Variants in DYNC1I1 observed in about 807,000 individuals in gnomAD.
DYNC1I1 encodes the protein cytoplasmic dynein 1 intermediate chain 1.
Under a neutral mutation model 86.6 loss-of-function variants are expected in DYNC1I1, and 43 were observed. The observed-to-expected ratio is 0.50, with a 90% CI of 0.39 to 0.64. The LOEUF is 0.64. Ranked by LOEUF, DYNC1I1 falls within the 30% of genes least tolerant of loss-of-function variation. The pLI, the probability that DYNC1I1 is intolerant of heterozygous loss-of-function variation, is 0.00. For synonymous variants in DYNC1I1, 262 were observed against 283.7 expected (o/e 0.92, Z 0.77); for missense variants, 604 against 788.8 (o/e 0.77, Z 2.81).
chr7:95,967,394 T>C (rs1457495972), intron 6 of DYNC1I1, among the ~76,000 whole-genome samples: 1 of 152,126 alleles, frequency 6.6e-6, no homozygotes, highest in East Asian at 1.9e-4. Flanking sequence ...TGGATTTACA[T>C]GTAGGGAAGA....
intron 6 of DYNC1I1, among the ~76,000 whole-genome samples, chr7:95,973,038 T>G (rs544537012): frequency 2.0e-5 from 3 of 152,206 alleles, no homozygotes; most frequent in Non-Finnish European, 2.9e-5. Flanking sequence ...TGTGTGGACC[T>G]GGATAAGGGA....
chr7:96,003,444 A>G (rs916641250), intron 10 of DYNC1I1, among the ~76,000 whole-genome samples: 7 of 152,214 alleles, frequency 4.6e-5, no homozygotes, highest in Non-Finnish European at 8.8e-5. Flanking sequence ...TTCATTTAAT[A>G]CCAGTTTAGC....
chr7:96,076,145 G>C lies in DYNC1I1; in HGVS notation c.1598G>C (p.Cys533Ser). 2 of 1,614,206 alleles carry C rather than the reference G, an allele frequency of 1.2e-6. No homozygotes were observed. The highest frequency in any genetic ancestry group is 1.7e-6 in the Non-Finnish European group (2 of 1,180,040). Residue 533 changes from cysteine (C) to serine (S), a missense_variant, in exon 15 of 17, where the codon TGC becomes TCC. Transcript: ENST00000447467. ...WSPVHPALFA[C>S]VDGMGRLDLW... ...CCCGTGCATCCTGCGCTTTTTGCCT[G>C]CGTGGACGGGATGGGGCGCTTGGAC...
chr7:96,090,945 G>A (rs1393355429), intron 16 of DYNC1I1, among the ~76,000 whole-genome samples: 1 of 152,164 alleles, frequency 6.6e-6, no homozygotes, highest in East Asian at 1.9e-4. Context: ...TCTCCCGGGA[G>A]TTAAATACAG....
chr7:96,035,913 G>A (rs1000142275), intron 13 of DYNC1I1, among the ~76,000 whole-genome samples, 161 bp downstream of exon 13: 2 of 152,120 alleles, frequency 1.3e-5, no homozygotes, highest in Non-Finnish European at 2.9e-5. Context: ...ATCTGCTCTG[G>A]TCATTAGCTG....
At chr7:96,003,061 T>C (rs578093289) in intron 10 of DYNC1I1, among the ~76,000 whole-genome samples, 1 of 152,170 alleles carries the variant, frequency 6.6e-6, no homozygotes, top group African/African-American at 2.4e-5. Context: ...GCCAGGCTGG[T>C]CTTGATCTCC....
intron 1 of DYNC1I1, among the ~76,000 whole-genome samples, chr7:95,781,007 A>AC (rs199753175): frequency 0.015 from 2,211 of 151,010 alleles, 45 homozygotes; most frequent in African/African-American, 0.044. Context: ...AACAACAACA[A>AC]AAAAAAAAAC....
At chr7:95,995,119 C>A (rs1246276364) in intron 9 of DYNC1I1, among the ~76,000 whole-genome samples, 1 of 151,942 alleles carries the variant, frequency 6.6e-6, no homozygotes, top group African/African-American at 2.4e-5. Flanking sequence ...TGGTGGCCGG[C>A]GCCTGTAGTC....
chr7:96,038,904 G>A (rs1439497188), intron 13 of DYNC1I1, among the ~76,000 whole-genome samples: 1 of 152,038 alleles, frequency 6.6e-6, no homozygotes, highest in Non-Finnish European at 1.5e-5. Flanking sequence ...GCTATCTCAA[G>A]AATAAAATAG....
At chr7:95,830,518 C>T (rs1252989515) in intron 5 of DYNC1I1, among the ~76,000 whole-genome samples, 1 of 152,112 alleles carries the variant, frequency 6.6e-6, no homozygotes, top group Non-Finnish European at 1.5e-5. Flanking sequence ...TTTTGAGATT[C>T]ATTCAGGTTA....
intron 6 of DYNC1I1, among the ~76,000 whole-genome samples, chr7:95,900,139 T>C (rs1369674061): frequency 6.6e-6 from 1 of 152,166 alleles, no homozygotes; most frequent in East Asian, 1.9e-4. Flanking sequence ...GCTCCATGGA[T>C]AGTGAGGTCC....
intron 14 of DYNC1I1, among the ~76,000 whole-genome samples, chr7:96,052,858 A>G (rs1040240496): frequency 2.6e-5 from 4 of 152,188 alleles, no homozygotes; most frequent in Non-Finnish European, 4.4e-5. Context: ...ATGTGAAAGT[A>G]GGGCCACATC....
intron 6 of DYNC1I1, among the ~76,000 whole-genome samples, chr7:95,933,109 C>G (rs1228231789): frequency 6.6e-6 from 1 of 152,070 alleles, no homozygotes; most frequent in Non-Finnish European, 1.5e-5. Flanking sequence ...TCTCAAAATC[C>G]TGTCCTCAAG....
intron 3 of DYNC1I1, among the ~76,000 whole-genome samples, chr7:95,811,805 T>A (rs1359372401): frequency 6.6e-6 from 1 of 152,148 alleles, no homozygotes; most frequent in African/African-American, 2.4e-5. Flanking sequence ...TTAGTTGACA[T>A]CTGATATGAG....
chr7:95,797,684 G>A (rs1452649154), intron 1 of DYNC1I1, among the ~76,000 whole-genome samples: 1 of 152,144 alleles, frequency 6.6e-6, no homozygotes, highest in Non-Finnish European at 1.5e-5. Flanking sequence ...TCACATTGCC[G>A]CTAACCTTTA....
intron 6 of DYNC1I1, among the ~76,000 whole-genome samples, chr7:95,909,466 G>T (rs1291204376): frequency 1.3e-5 from 2 of 152,024 alleles, no homozygotes; most frequent in Non-Finnish European, 2.9e-5. Context: ...TACAGCCGGG[G>T]TTTCAGGGGG....
chr7:95,830,573 A>G (rs934879071), intron 5 of DYNC1I1, among the ~76,000 whole-genome samples: 3 of 152,188 alleles, frequency 2.0e-5, no homozygotes, highest in Non-Finnish European at 4.4e-5. Flanking sequence ...TTGTATGGAT[A>G]TACCACAGTT....
chr7:95,900,112 TG>T (rs1489784315), intron 6 of DYNC1I1, among the ~76,000 whole-genome samples: 1 of 152,180 alleles, frequency 6.6e-6, no homozygotes, highest in Non-Finnish European at 1.5e-5. Flanking sequence ...GGAGCTTGTC[TG>T]TAGAGGGCGT....
intron 5 of DYNC1I1, among the ~76,000 whole-genome samples, chr7:95,846,171 A>G (rs1789420358): frequency 6.6e-6 from 1 of 152,164 alleles, no homozygotes; most frequent in Admixed American, 6.5e-5. Flanking sequence ...TCATTTATAT[A>G]TATTATTGGA....
Sources: gnomAD v4.1 joint callset for allele counts (sites outside exome capture counted in the v4.1 genomes callset) on GRCh38, gnomAD v4.1.1 for gene constraint, MANE v1.5 for transcripts, NCBI Gene and HGNC (gene_info 2026-07-23, HGNC 2026-07-21) for gene names.